Variants in LRRC49 observed in about 807,000 individuals in gnomAD.
The protein encoded by LRRC49 is leucine-rich repeat-containing protein 49.
LRRC49 carries 50 observed loss-of-function variants against 83.3 expected under a neutral mutation model. That is an observed-to-expected ratio of 0.60 (90% CI 0.48 to 0.76). The LOEUF is 0.76. LRRC49 is among the 30% of genes least tolerant of loss of function. The pLI is 0.00. For missense variants in LRRC49, 704 were observed against 809.1 expected (o/e 0.87, Z 1.58); for synonymous variants, 286 against 283.3 (o/e 1.01, Z -0.10).
At chr15:70,906,741 A>T (rs150518510) in intron 5 of LRRC49, among the ~76,000 whole-genome samples, 88 of 152,030 alleles carry the variant, frequency 5.8e-4, no homozygotes, top group African/African-American at 2.0e-3. Flanking sequence ...TGTTCTTTCA[A>T]CTCTAAGAGA....
chr15:70,984,312 T>C, intron 11 of LRRC49, 55 bp downstream of exon 11: 1 of 1,441,230 alleles, frequency 6.9e-7, no homozygotes, highest in Non-Finnish European at 9.4e-7. Flanking sequence ...GAATTTGGAG[T>C]GGGAATTAGA....
chr15:70,970,350 C>G (rs927722374), intron 9 of LRRC49, among the ~76,000 whole-genome samples: 6 of 152,246 alleles, frequency 3.9e-5, no homozygotes, highest in Non-Finnish European at 8.8e-5. Context: ...GGTGGATAAG[C>G]TTTTTAATGT....
intron 9 of LRRC49, among the ~76,000 whole-genome samples, chr15:70,972,467 G>A (rs1224466184): frequency 1.3e-5 from 2 of 152,110 alleles, no homozygotes; most frequent in Non-Finnish European, 2.9e-5. Context: ...GTGTCTTGAG[G>A]TTGATTTTCT....
chr15:70,908,387 G>A (rs976036349), intron 5 of LRRC49, among the ~76,000 whole-genome samples: 4 of 152,160 alleles, frequency 2.6e-5, no homozygotes, highest in African/African-American at 9.7e-5. Context: ...GTCAAGGGTT[G>A]TTTGGCAGGC....
intron 1 of LRRC49, among the ~76,000 whole-genome samples, chr15:70,872,637 G>C (rs1436303940): frequency 6.6e-6 from 1 of 152,108 alleles, no homozygotes; most frequent in Non-Finnish European, 1.5e-5. Flanking sequence ...TCCAAAAAGT[G>C]TGTGTTCTAA....
intron 8 of LRRC49, among the ~76,000 whole-genome samples, chr15:70,950,740 C>T (rs1036624131): frequency 1.3e-5 from 2 of 152,134 alleles, no homozygotes; most frequent in Admixed American, 1.3e-4. Context: ...GTTTCTTTTG[C>T]TGTGCAGAAG....
intron 9 of LRRC49, among the ~76,000 whole-genome samples, chr15:70,968,956 T>C (rs966164977): frequency 6.6e-6 from 1 of 152,250 alleles, no homozygotes; most frequent in Admixed American, 6.5e-5. Flanking sequence ...GATGATAGTT[T>C]CTTTTGCTGT....
chr15:70,895,899 A>G lies in LRRC49; in HGVS notation c.156A>G (p.Leu52=), dbSNP rs757497458. The G allele has an allele frequency of 6.2e-7, 1 of 1,611,542 alleles. No homozygotes were observed. The highest frequency in any genetic ancestry group is 1.7e-5 in the Admixed American group (1 of 59,788). The change falls in exon 3 of 16, where the codon TTA becomes TTG. Residue 52 remains leucine (L), a synonymous_variant. Transcript: ENST00000260382. ...KDTSSFPGRL[L]QHDLERNYSS... ...CATCGTCATTCCCCGGTAGACTTTT[A>G]CAACATGACCTTGAAAGAAACTACT... is the stretch of plus-strand genomic sequence containing the variant.
In LRRC49 at chr15:71,025,680, G is replaced by A. The variant is rs547642061; in HGVS notation, c.1704-11499G>A. Among the ~76,000 whole-genome samples the A allele has an allele frequency of 9.4e-4, 134 of 143,020 alleles. 1 individual carries two copies. Among genetic ancestry groups the A allele is most frequent in the Middle Eastern group, 7.1e-3 (2 of 282 alleles). The allele number at this position is 143,020 out of a possible 152,430, so 93.8% of individuals were successfully genotyped here. ...AATAATAAAATAAAACAAAGGGATG[G>A]AGGAAAATTTACCAAGCAAATAGAA... On this transcript the variant is annotated intron_variant, in intron 14 of 15. Coordinates refer to ENST00000260382, the MANE Select transcript of LRRC49 (RefSeq NM_017691.5).
intron 7 of LRRC49, among the ~76,000 whole-genome samples, chr15:70,921,071 G>A (rs1306524624): frequency 6.6e-6 from 1 of 151,988 alleles, no homozygotes; most frequent in Admixed American, 6.6e-5. Flanking sequence ...GAGTATCTGG[G>A]TATCCTGTGC....
intron 11 of LRRC49, among the ~76,000 whole-genome samples, chr15:70,993,295 C>T (rs552104042): frequency 6.6e-6 from 1 of 152,192 alleles, no homozygotes; most frequent in Non-Finnish European, 1.5e-5. Flanking sequence ...CTTCCCTTGG[C>T]TAGGAAAGGG....
intron 11 of LRRC49, among the ~76,000 whole-genome samples, chr15:70,985,345 C>T (rs2037566917): frequency 6.6e-6 from 1 of 151,822 alleles, no homozygotes; most frequent in African/African-American, 2.4e-5. Context: ...GATGGTATCT[C>T]ATTGTGGTTT....
chr15:71,019,303 C>T (rs950657805), intron 14 of LRRC49, among the ~76,000 whole-genome samples: 1 of 152,176 alleles, frequency 6.6e-6, no homozygotes, highest in Non-Finnish European at 1.5e-5. Flanking sequence ...TCACACACCC[C>T]AGTTACCAGC....
chr15:70,893,167 G>C (rs1307735226), intron 1 of LRRC49: 1 of 608,924 alleles, frequency 1.6e-6, no homozygotes, highest in African/African-American at 1.9e-5. Flanking sequence ...AGAAGGTGGA[G>C]CTGGTCTGCT....
chr15:70,923,223 T>G (rs1267615939), intron 7 of LRRC49, among the ~76,000 whole-genome samples: 1 of 152,058 alleles, frequency 6.6e-6, no homozygotes, highest in African/African-American at 2.4e-5. Context: ...TCTTTTCTAG[T>G]TTAATTGCAT....
At chr15:71,024,845 T>G (rs913139458) in intron 14 of LRRC49, among the ~76,000 whole-genome samples, 8 of 152,058 alleles carry the variant, frequency 5.3e-5, no homozygotes, top group African/African-American at 1.9e-4. Context: ...ATAACCAGTT[T>G]AGAGAGGAAC....
Position 71,049,669 on chromosome 15 carries a change from A to G in LRRC49, c.*57A>G. 5 of 1,157,182 alleles carry G rather than the reference A, an allele frequency of 4.3e-6. No individual in the cohort carries two copies. The highest frequency in any genetic ancestry group is 6.4e-6 in the Non-Finnish European group (5 of 780,520). 71.7% of individuals were successfully genotyped at this position (1,157,182 alleles called of 1,614,324 possible). A position where few individuals can be genotyped will look rare whatever the true frequency, so the allele number is the denominator to read the frequency against. ...GTTTTATTTTTTGAAGGTTGAAAAT[A>G]TGCAGGTTATACATGTTAAAACAAC... On this transcript the variant is annotated 3_prime_UTR_variant, in exon 16 of 16. Coordinates refer to ENST00000260382, the MANE Select transcript of LRRC49 (RefSeq NM_017691.5).
chr15:70,962,920 T>G (rs2036655995), intron 8 of LRRC49, among the ~76,000 whole-genome samples: 1 of 152,034 alleles, frequency 6.6e-6, no homozygotes, highest in Non-Finnish European at 1.5e-5. Context: ...AACCTCAGCC[T>G]CAGCCTTGAA....
At chr15:70,895,602 C>T in intron 2 of LRRC49, 1 of 359,460 alleles carries the variant, frequency 2.8e-6, no homozygotes, top group Non-Finnish European at 5.0e-6. Flanking sequence ...AATCCCTGTA[C>T]CCATTAAGCA....
Sources: allele counts gnomAD v4.1 joint callset (sites outside exome capture counted in the v4.1 genomes callset), GRCh38; gene constraint gnomAD v4.1.1; transcripts MANE v1.5; gene names NCBI Gene and HGNC (gene_info 2026-07-23, HGNC 2026-07-21).